The following KIF22 variants were observed in gnomAD, a reference collection of about 807,000 sequenced individuals.
KIF22 encodes kinesin-like protein KIF22.
A neutral mutation model predicts 73.0 loss-of-function variants in KIF22; 62 were observed. The ratio of observed to expected loss-of-function variants is 0.85; its 90% CI spans 0.69 to 1.05. The LOEUF is 1.05. KIF22 is among the 50% of genes least tolerant of loss of function. The pLI is 0.00. For synonymous variants in KIF22, 411 were observed against 340.1 expected (o/e 1.21, Z -2.29); for missense variants, 854 against 870.1 (o/e 0.98, Z 0.23).
chr16:29,801,658 A>G (rs1899142063), intron 8 of KIF22, among the ~76,000 whole-genome samples: 1 of 152,198 alleles, frequency 6.6e-6, no homozygotes, highest in Admixed American at 6.5e-5. Context: ...AGCAAGTCAG[A>G]TGGGAACATC....
chr16:29,798,506 G>T lies in KIF22; in HGVS notation c.394+5G>T. ...CCTATGGACCCACAGGAGCTGGTGA[G>T]GGAGCCAGAAAAGAAACAGCTATGG... On this transcript the variant is annotated splice_donor_5th_base_variant and intron_variant, in intron 3 of 13. Transcript: ENST00000160827. This position sits in a 1 kb window ranked among gnomAD's most constrained non-coding sequence, Gnocchi z 4.1. 6.2e-7 allele frequency: 1 copy of T among 1,614,132 alleles called. No homozygotes were observed. Among genetic ancestry groups the T allele is most frequent in the South Asian group, 1.1e-5 (1 of 91,072 alleles).
At chr16:29,803,136 AG>A (rs1299645978) in intron 9 of KIF22, among the ~76,000 whole-genome samples, 199 bp downstream of exon 9, 1 of 152,122 alleles carries the variant, frequency 6.6e-6, no homozygotes, top group African/African-American at 2.4e-5. Flanking sequence ...GAGGGTGAGA[AG>A]AAAAAGTTCA....
rs770030496 is a variant in KIF22 at position 29,798,331 on chromosome 16, C to T, written c.267-43C>T. 6.4e-7 allele frequency: 1 copy of T among 1,565,482 alleles called. No individual in the cohort carries two copies. Among genetic ancestry groups the T allele is most frequent in the South Asian group, 1.1e-5 (1 of 89,280 alleles). On this transcript the variant is annotated intron_variant, in intron 2 of 13. Transcript: ENST00000160827. The surrounding 1 kb of genome is among the most constrained non-coding windows in gnomAD (Gnocchi z 4.1). ...CACCCCTTACACACACACACACACA[C>T]ACACACACACACACACGCTAATTTC...
chr16:29,801,417 C>T (rs1458211568), intron 8 of KIF22, among the ~76,000 whole-genome samples: 2 of 152,166 alleles, frequency 1.3e-5, no homozygotes, highest in Non-Finnish European at 2.9e-5. Context: ...CCACTCTGTC[C>T]CAGGGGGCTA....
rs769670747 is a variant in KIF22 at position 29,804,814 on chromosome 16, C to G, written c.1678C>G (p.Leu560Val). The G allele has an allele frequency of 2.5e-6, 4 of 1,602,780 alleles. No individual in the cohort carries two copies. The Admixed American group carries it at 5.1e-5, about 21-fold the overall frequency. Residue 560 changes from leucine (L) to valine (V), a missense_variant and splice_region_variant, in exon 12 of 14, where the codon CTG becomes GTG. Coordinates refer to ENST00000160827, the MANE Select transcript of KIF22 (RefSeq NM_007317.3). Reference sequence around the variant, plus strand: ...TCACTCATCTCCCTTTGCCTCCCAGCTGGAGTCCCTGGATGCCCTAGAGCC... The same window carrying G: ...TCACTCATCTCCCTTTGCCTCCCAGGTGGAGTCCCTGGATGCCCTAGAGCC... The part of the protein sequence containing the change: ...ILKNKGRKRK[L>V]ESLDALEPEE...
At chr16:29,796,552 C>CT (rs879291113) in intron 1 of KIF22, among the ~76,000 whole-genome samples, 52 of 145,184 alleles carry the variant, frequency 3.6e-4, no homozygotes, top group Middle Eastern at 7.1e-3. Flanking sequence ...CTCTCTCTCT[C>CT]TTTTTTTTTT....
At position 29,804,985 on chromosome 16, in the gene KIF22, C is replaced by G; in HGVS notation, c.1849C>G (p.Leu617Val). 1.2e-6 allele frequency: 2 copies of G among 1,610,388 alleles called. No homozygotes were observed. Among genetic ancestry groups the G allele is most frequent in the Non-Finnish European group, 1.7e-6 (2 of 1,178,300 alleles). Residue 617 changes from leucine to valine, a missense_variant, in exon 12 of 14, where the codon CTA becomes GTA. Leu to Val is a conservative substitution (Grantham distance 32). Around this residue, in one of 3 missense-constraint regions of KIF22, gnomAD observed 423 missense variants for 365.4 expected, o/e 1.16. Transcript: ENST00000160827. ...LQRIGPKKAQ[L>V]IVGWRELHGP... is the part of the protein sequence containing the mutation. Reference sequence around the variant, plus strand: ...GCGCATTGGCCCGAAGAAGGCCCAGCTAATCGTGGGCTGGCGGGAGCTCCA... The same window carrying G: ...GCGCATTGGCCCGAAGAAGGCCCAGGTAATCGTGGGCTGGCGGGAGCTCCA...
intron 1 of KIF22, among the ~76,000 whole-genome samples, chr16:29,794,291 G>A (rs970353893): frequency 2.6e-5 from 4 of 152,108 alleles, no homozygotes; most frequent in African/African-American, 4.8e-5. Flanking sequence ...AATGGGAGAC[G>A]GACATTAAAA....
chr16:29,804,345 A>T, intron 11 of KIF22: 1 of 602,102 alleles, frequency 1.7e-6, no homozygotes, highest in African/African-American at 1.9e-5. Flanking sequence ...AACTTAGGGA[A>T]CTATGACCTA....
At position 29,798,517 on chromosome 16, in the gene KIF22, A is replaced by C. The variant is rs750360692; in HGVS notation, c.394+16A>C. 2.5e-6 allele frequency: 4 copies of C among 1,614,090 alleles called. No homozygotes were observed. Among genetic ancestry groups the C allele is most frequent in the Non-Finnish European group, 3.4e-6 (4 of 1,180,028 alleles). On this transcript the variant is annotated intron_variant, in intron 3 of 13. Coordinates refer to ENST00000160827, the MANE Select transcript of KIF22 (RefSeq NM_007317.3). This position sits in a 1 kb window ranked among gnomAD's most constrained non-coding sequence, Gnocchi z 4.1. ...ACAGGAGCTGGTGAGGGAGCCAGAA[A>C]AGAAACAGCTATGGGTCAGAAAGGG...
chr16:29,802,796 C>T lies in KIF22; in HGVS notation c.1308C>T (p.Asp436=). 6.3e-7 allele frequency: 1 copy of T among 1,599,330 alleles called. No homozygotes were observed. Among genetic ancestry groups the T allele is most frequent in the South Asian group, 1.1e-5 (1 of 88,628 alleles). Residue 436 remains aspartate, a synonymous_variant, in exon 9 of 14, where the codon GAC becomes GAT. Transcript: ENST00000160827. ...LSPLQKLSSM[D]PAMLERLLSL... ...CCCTACAGAAGCTAAGCAGCATGGA[C>T]CCGGCCATGCTGGAGCGCCTCCTCA...
intron 1 of KIF22, among the ~76,000 whole-genome samples, chr16:29,792,016 G>A (rs1898832462): frequency 6.6e-6 from 1 of 152,154 alleles, no homozygotes; most frequent in Admixed American, 6.5e-5. Flanking sequence ...ATAAACTGAG[G>A]GTGTGGAATC....
chr16:29,803,529 A>G lies in KIF22; in HGVS notation c.1530A>G (p.Thr510=). 30 of 1,614,140 alleles carry G rather than the reference A, an allele frequency of 1.9e-5. No individual in the cohort carries two copies. Among genetic ancestry groups the G allele is most frequent in the Non-Finnish European group, 2.5e-5 (30 of 1,179,988 alleles). Residue 510 remains threonine (T), a synonymous_variant, in exon 10 of 14, where the codon ACA becomes ACG. Coordinates refer to ENST00000160827, the MANE Select transcript of KIF22 (RefSeq NM_007317.3). ...AGGAAAAGGAGAACCATTGTCCCACAATGCTCCGGCCCCTTTCACATCGCA... is the reference window on the plus strand; with the variant it reads ...AGGAAAAGGAGAACCATTGTCCCACGATGCTCCGGCCCCTTTCACATCGCA... ...KAEEKENHCP[T]MLRPLSHRTV...
At position 29,799,262 on chromosome 16, in the gene KIF22, A is replaced by C; in HGVS notation, c.760-2A>C. The C allele has an allele frequency of 6.2e-7, 1 of 1,613,334 alleles. No individual in the cohort carries two copies. Among genetic ancestry groups the C allele is most frequent in the Non-Finnish European group, 8.5e-7 (1 of 1,179,598 alleles). On this transcript the variant is annotated splice_acceptor_variant, in intron 5 of 13. Coordinates refer to ENST00000160827, the MANE Select transcript of KIF22 (RefSeq NM_007317.3). LOFTEE classifies it high-confidence loss of function. Reference sequence around the variant, plus strand: ...GCACGAGACCTTTGTTCTTACCCCCAGGTGGACCAGCGGGAACGTTTGGCC... The same window carrying C: ...GCACGAGACCTTTGTTCTTACCCCCCGGTGGACCAGCGGGAACGTTTGGCC...
rs1268483375 is a variant in KIF22 at position 29,799,996 on chromosome 16, A to G, written c.1228A>G (p.Ile410Val). The change falls in exon 8 of 14, where the codon ATC (isoleucine) becomes GTC (valine). Residue 410 changes from isoleucine to valine, a missense_variant. Coordinates refer to ENST00000160827, the MANE Select transcript of KIF22 (RefSeq NM_007317.3). ...AGCCCGAGGCCCTGAGGAAGAGGAG[A>G]TCGGGAGCCCTGAGCCCATGGCAGC... is the stretch of plus-strand genomic sequence containing the variant. ...KRARGPEEEEIGSPEPMAAPA... is the reference protein window; with the variant it reads ...KRARGPEEEEVGSPEPMAAPA... The G allele has an allele frequency of 6.2e-7, 1 of 1,613,946 alleles. No homozygotes were observed. The highest frequency in any genetic ancestry group is 2.2e-5 in the East Asian group (1 of 44,886).
Position 29,790,922 on chromosome 16 carries a change from C to G in KIF22, c.70+93C>G, listed in dbSNP as rs1034802206. 2.0e-6 allele frequency: 3 copies of G among 1,523,106 alleles called. No homozygotes were observed. In the African/African-American group the frequency reaches 4.2e-5, roughly 21 times the overall value. 94.3% of individuals were successfully genotyped at this position (1,523,106 alleles called of 1,614,324 possible). A position where few individuals can be genotyped will look rare whatever the true frequency, so the allele number is the denominator to read the frequency against. ...GTGTGGTCCAGGCTCTGCGGGTTGT[C>G]GCGGAGAGGCGGCCATGGCGCAGGG... On this transcript the variant is annotated intron_variant, in intron 1 of 13. Coordinates refer to ENST00000160827, the MANE Select transcript of KIF22 (RefSeq NM_007317.3).
chr16:29,794,472 G>C (rs547291215), intron 1 of KIF22, among the ~76,000 whole-genome samples: 4 of 152,288 alleles, frequency 2.6e-5, no homozygotes, highest in Admixed American at 1.3e-4. Context: ...TACTTAGCTA[G>C]CTGTAAATGG....
At chr16:29,801,060 T>C (rs1333713298) in intron 8 of KIF22, among the ~76,000 whole-genome samples, 1 of 152,168 alleles carries the variant, frequency 6.6e-6, no homozygotes, top group Non-Finnish European at 1.5e-5. Flanking sequence ...GCTGAGACCA[T>C]CTGGTCTGTG....
chr16:29,794,580 C>G (rs1307742415), intron 1 of KIF22, among the ~76,000 whole-genome samples: 1 of 152,060 alleles, frequency 6.6e-6, no homozygotes, highest in African/African-American at 2.4e-5. Context: ...GCACTTATTT[C>G]AATTATCTTT....
Sources: allele counts gnomAD v4.1 joint callset (sites outside exome capture counted in the v4.1 genomes callset), GRCh38; gene constraint gnomAD v4.1.1; regional missense constraint gnomAD v4.1.1; non-coding constraint Gnocchi (gnomAD v3.1); transcripts MANE v1.5; gene names NCBI Gene and HGNC (gene_info 2026-07-23, HGNC 2026-07-21).